CUX1: variants seen among roughly 807,000 people sequenced by gnomAD.
CUX1 encodes the protein protein CASP.
Under a neutral mutation model 158.8 loss-of-function variants are expected in CUX1, and 31 were observed. That is an observed-to-expected ratio of 0.20 (90% CI 0.15 to 0.26). The LOEUF (loss-of-function observed/expected upper bound fraction) is 0.26. Ranked by LOEUF, CUX1 falls within the 10% of genes least tolerant of loss-of-function variation. The probability of loss-of-function intolerance (pLI) is 1.00; values close to 1 mark genes in which losing one functional copy is unlikely to be tolerated. For synonymous variants in CUX1, 879 were observed against 862.1 expected (o/e 1.02, Z -0.34); for missense variants, 1,589 against 2,014.6 (o/e 0.79, Z 4.04).
At chr7:102,274,047 C>T (rs803063) in intron 15 of CUX1, 150,198 of 572,592 alleles carry the variant, frequency 0.26, 22,373 homozygotes, top group East Asian at 0.5. Flanking sequence ...AGGAGTGACT[C>T]AGGGCCCAGC....
At chr7:101,924,827 A>G (rs1805393671) in intron 2 of CUX1, among the ~76,000 whole-genome samples, 1 of 152,030 alleles carries the variant, frequency 6.6e-6, no homozygotes. Context: ...CTCCCACCTC[A>G]GCCTCCCAAA....
At chr7:102,015,585 T>G (rs541185704) in intron 2 of CUX1, among the ~76,000 whole-genome samples, 4 of 152,322 alleles carry the variant, frequency 2.6e-5, no homozygotes, top group African/African-American at 9.6e-5. Flanking sequence ...TTGTGTTCAC[T>G]TAGAAACATC....
intron 8 of CUX1, among the ~76,000 whole-genome samples, chr7:102,144,098 A>G (rs1215462260): frequency 6.6e-6 from 1 of 152,080 alleles, no homozygotes; most frequent in East Asian, 1.9e-4. Flanking sequence ...GCCACTTCTA[A>G]TCCATATTCT....
At chr7:102,236,478 A>G (rs1586377392) in intron 22 of CUX1, among the ~76,000 whole-genome samples, 1 of 152,122 alleles carries the variant, frequency 6.6e-6, no homozygotes. Flanking sequence ...GTCTCGCTAT[A>G]TTGCCCAGGC....
intron 23 of CUX1, among the ~76,000 whole-genome samples, chr7:102,247,732 G>T (rs1379443010): frequency 1.3e-5 from 2 of 152,210 alleles, no homozygotes; most frequent in African/African-American, 4.8e-5. Flanking sequence ...CAGATGGGAG[G>T]ATCACTCAAG....
chr7:101,905,944 T>C (rs762447581), intron 1 of CUX1, among the ~76,000 whole-genome samples: 1 of 151,868 alleles, frequency 6.6e-6, no homozygotes, highest in Non-Finnish European at 1.5e-5. Flanking sequence ...CACCTCAGCC[T>C]CCCAAATAGC....
At position 102,250,298 on chromosome 7, in the gene CUX1, TC is replaced by T; in HGVS notation, c.*1258del. 8.1e-6 allele frequency: 8 copies of T among 985,344 alleles called. No individual in the cohort carries two copies. The highest frequency in any genetic ancestry group is 9.6e-6 in the Non-Finnish European group (8 of 829,942). 61.0% of individuals were successfully genotyped at this position (985,344 alleles called of 1,614,324 possible). ...AGTCCGGGCGAGCACAGCAGGCAGT[TC>T]CAGGGCCAGACGGGCCCATCCCCAA... On this transcript the variant is annotated 3_prime_UTR_variant, in exon 24 of 24. Transcript: ENST00000292535.
intron 1 of CUX1, among the ~76,000 whole-genome samples, chr7:101,849,882 G>T (rs895054222): frequency 1.8e-4 from 27 of 149,140 alleles, no homozygotes; most frequent in African/African-American, 6.2e-4. Flanking sequence ...ATTCTGACCG[G>T]TATGAGACAG....
At chr7:102,016,773 G>C (rs13230105) in intron 2 of CUX1, among the ~76,000 whole-genome samples, 1 of 152,176 alleles carries the variant, frequency 6.6e-6, no homozygotes, top group Admixed American at 6.6e-5. Flanking sequence ...CTACATCTCT[G>C]ATTATTCTTA....
chr7:101,831,932 TGGG>T (rs1554384039), intron 1 of CUX1, among the ~76,000 whole-genome samples: 1 of 151,540 alleles, frequency 6.6e-6, no homozygotes, highest in Non-Finnish European at 1.5e-5. Context: ...TTTGTAGAGA[TGGG>T]GGGGTCTCAC....
intron 8 of CUX1, among the ~76,000 whole-genome samples, chr7:102,136,622 G>A (rs564983967): frequency 5.9e-5 from 9 of 152,234 alleles, no homozygotes; most frequent in Admixed American, 1.3e-4. Flanking sequence ...AACTCCTGAC[G>A]TCATGATCCG....
At chr7:102,058,272 A>G (rs558259574) in intron 3 of CUX1, among the ~76,000 whole-genome samples, 1 of 152,112 alleles carries the variant, frequency 6.6e-6, no homozygotes, top group African/African-American at 2.4e-5. Flanking sequence ...TCTTTTTGTC[A>G]TATTTGCCTT....
At chr7:101,973,218 A>T (rs1289285831) in intron 2 of CUX1, among the ~76,000 whole-genome samples, 2 of 152,016 alleles carry the variant, frequency 1.3e-5, no homozygotes, top group Non-Finnish European at 2.9e-5. Flanking sequence ...TTTTTCTTGT[A>T]GATTTTGCTT....
At chr7:101,877,765 T>TGG (rs1208575533) in intron 1 of CUX1, among the ~76,000 whole-genome samples, 2 of 7,646 alleles carry the variant, frequency 2.6e-4, no homozygotes, top group Non-Finnish European at 4.0e-4. Flanking sequence ...ATTGTGTGTG[T>TGG]GTGTGTGTGT....
At chr7:102,011,780 G>A (rs1289412675) in intron 2 of CUX1, among the ~76,000 whole-genome samples, 1 of 152,078 alleles carries the variant, frequency 6.6e-6, no homozygotes, top group Non-Finnish European at 1.5e-5. Context: ...TCTCATTTTC[G>A]GCAGCAGGGT....
intron 13 of CUX1, 103 bp from the exon 14 acceptor site, chr7:102,195,404 G>C (rs1794689138): frequency 1.2e-6 from 1 of 849,238 alleles, no homozygotes; most frequent in South Asian, 1.8e-5. Flanking sequence ...AGAGCTGGGT[G>C]GGAACGCGGA....
intron 1 of CUX1, among the ~76,000 whole-genome samples, chr7:101,894,081 A>G (rs1321749559): frequency 6.6e-6 from 1 of 152,220 alleles, no homozygotes; most frequent in Non-Finnish European, 1.5e-5. Flanking sequence ...CTGGGCCCGC[A>G]TCTTGGCTTT....
chr7:101,845,799 T>G (rs899054564), intron 1 of CUX1, among the ~76,000 whole-genome samples: 4 of 152,074 alleles, frequency 2.6e-5, no homozygotes, highest in African/African-American at 9.7e-5. Context: ...GGAGGACCAC[T>G]TGAGTTCAAG....
intron 4 of CUX1, among the ~76,000 whole-genome samples, chr7:102,072,455 C>G (rs138104340): frequency 6.6e-6 from 1 of 152,186 alleles, no homozygotes; most frequent in East Asian, 1.9e-4. Context: ...TCTATGCGAA[C>G]GAAGACTTGG....
Sources: gnomAD v4.1 joint callset for allele counts (sites outside exome capture counted in the v4.1 genomes callset) on GRCh38, gnomAD v4.1.1 for gene constraint, MANE v1.5 for transcripts, NCBI Gene and HGNC (gene_info 2026-07-23, HGNC 2026-07-21) for gene names.